Variants in RNF216 observed in about 807,000 individuals in gnomAD.
The protein encoded by RNF216 is E3 ubiquitin-protein ligase RNF216.
A neutral mutation model predicts 110.8 loss-of-function variants in RNF216; 72 were observed. The ratio of observed to expected loss-of-function variants is 0.65; its 90% CI spans 0.54 to 0.79. The LOEUF is 0.79. Among genes scored for constraint, RNF216 ranks in the 30% least tolerant of loss-of-function variants. The probability of loss-of-function intolerance (pLI) is 0.00; values close to 1 mark genes in which losing one functional copy is unlikely to be tolerated. For missense variants in RNF216, 1,342 were observed against 1,141.2 expected (o/e 1.18, Z -2.54); for synonymous variants, 495 against 407.5 (o/e 1.21, Z -2.59).
chr7:5,766,000 G>A (rs1486720614), intron 1 of RNF216, among the ~76,000 whole-genome samples: 1 of 150,988 alleles, frequency 6.6e-6, no homozygotes, highest in Non-Finnish European at 1.5e-5. Context: ...AATCCAGGCT[G>A]GGCACAATGG....
At chr7:5,749,327 T>C (rs1795214676) in intron 3 of RNF216, among the ~76,000 whole-genome samples, 1 of 152,074 alleles carries the variant, frequency 6.6e-6, no homozygotes, top group South Asian at 2.1e-4. Flanking sequence ...ATTTTTGTAT[T>C]TTTAGTAGAG....
rs191341150 is a variant in RNF216, at chr7:5,628,450, C to T, written c.2383-4325G>A. Reference sequence around the variant, plus strand: ...ACTGTGCTTAATAACTTTAATACAACTTAAAAGTTTTTTTTCTTTTTTAAA... The same window carrying T: ...ACTGTGCTTAATAACTTTAATACAATTTAAAAGTTTTTTTTCTTTTTTAAA... On this transcript the variant is annotated intron_variant, in intron 15 of 16. Coordinates refer to ENST00000389902, the MANE Select transcript of RNF216 (RefSeq NM_207111.4). 8.5e-5 allele frequency among the ~76,000 whole-genome samples: 13 copies of T among 152,294 alleles called. 1 individual carries two copies. Among genetic ancestry groups the T allele is most frequent in the Admixed American group, 3.9e-4 (6 of 15,304 alleles).
At chr7:5,679,048 A>C (rs1790488038) in intron 13 of RNF216, among the ~76,000 whole-genome samples, 1 of 152,258 alleles carries the variant, frequency 6.6e-6, no homozygotes, top group Non-Finnish European at 1.5e-5. Flanking sequence ...TGTAAAATTT[A>C]AGAGTACAGA....
At chr7:5,704,406 G>C (rs906850921) in intron 13 of RNF216, among the ~76,000 whole-genome samples, 9 of 152,184 alleles carry the variant, frequency 5.9e-5, no homozygotes, top group Admixed American at 2.6e-4. Flanking sequence ...TCAAGGATTA[G>C]CGACTGCTTT....
intron 13 of RNF216, among the ~76,000 whole-genome samples, chr7:5,694,103 T>A (rs1791489182): frequency 6.6e-6 from 1 of 152,162 alleles, no homozygotes; most frequent in African/African-American, 2.4e-5. Flanking sequence ...ACCACTTAGC[T>A]CTTTGATAGA....
At chr7:5,766,170 G>C (rs2042110) in intron 1 of RNF216, among the ~76,000 whole-genome samples, 11,795 of 151,890 alleles carry the variant, frequency 0.078, 549 homozygotes, top group East Asian at 0.12. Flanking sequence ...TGTACCTATA[G>C]TTTTAGCTAC....
intron 11 of RNF216, among the ~76,000 whole-genome samples, chr7:5,713,980 C>T (rs768267749): frequency 3.9e-5 from 6 of 152,152 alleles, no homozygotes; most frequent in African/African-American, 1.4e-4. Flanking sequence ...CCAAAGGTCA[C>T]GCTCTTTGAA....
At chr7:5,648,050 C>T (rs1157496822) in intron 14 of RNF216, among the ~76,000 whole-genome samples, 1 of 151,978 alleles carries the variant, frequency 6.6e-6, no homozygotes, top group Non-Finnish European at 1.5e-5. Context: ...ACAGAGCCAC[C>T]TGTGAAATGT....
intron 15 of RNF216, among the ~76,000 whole-genome samples, chr7:5,633,679 G>C (rs1787218820): frequency 6.6e-6 from 1 of 152,188 alleles, no homozygotes; most frequent in Admixed American, 6.5e-5. Flanking sequence ...GAGCTCAGCA[G>C]GGCGCAGAAA....
At chr7:5,633,055 C>T (rs567447605) in intron 15 of RNF216, among the ~76,000 whole-genome samples, 1 of 152,044 alleles carries the variant, frequency 6.6e-6, no homozygotes, top group East Asian at 2.0e-4. Context: ...TCTCTGCTCA[C>T]TGCAACCTCC....
intron 13 of RNF216, among the ~76,000 whole-genome samples, chr7:5,668,368 C>T (rs1789666750): frequency 6.6e-6 from 1 of 151,958 alleles, no homozygotes; most frequent in Admixed American, 6.6e-5. Flanking sequence ...GGACTATAGG[C>T]ACCCACCACC....
At chr7:5,626,836 G>A (rs1786738830) in intron 15 of RNF216, among the ~76,000 whole-genome samples, 1 of 152,190 alleles carries the variant, frequency 6.6e-6, no homozygotes, top group Non-Finnish European at 1.5e-5. Context: ...ATGAGCTCAA[G>A]TATGTAAAGG....
chr7:5,740,104 C>CTT (rs71004698), intron 4 of RNF216, among the ~76,000 whole-genome samples: 4 of 118,502 alleles, frequency 3.4e-5, no homozygotes, highest in African/African-American at 1.0e-4. Context: ...GATGTAACAC[C>CTT]TTTTTTTTTT....
intron 13 of RNF216, among the ~76,000 whole-genome samples, chr7:5,681,844 A>C (rs1790672023): frequency 6.6e-6 from 1 of 152,236 alleles, no homozygotes; most frequent in Non-Finnish European, 1.5e-5. Context: ...GGAGGATAGG[A>C]GGTGAAAAGG....
chr7:5,628,685 CTTT>C (rs11314929), intron 15 of RNF216, among the ~76,000 whole-genome samples: 4 of 138,974 alleles, frequency 2.9e-5, no homozygotes, highest in Non-Finnish European at 3.1e-5. Flanking sequence ...CCATATCTGA[CTTT>C]TTTTTTTTTT....
At chr7:5,727,552 C>T (rs1241560563) in intron 7 of RNF216, among the ~76,000 whole-genome samples, 1 of 151,990 alleles carries the variant, frequency 6.6e-6, no homozygotes, top group African/African-American at 2.4e-5. Flanking sequence ...TCTAGCAAGA[C>T]CCCATTTCTA....
At chr7:5,716,851 C>G in intron 9 of RNF216, 85 bp from the exon 10 acceptor site, 2 of 1,056,104 alleles carry the variant, frequency 1.9e-6, no homozygotes, top group South Asian at 2.8e-5. Flanking sequence ...ATAAACATAA[C>G]TCCAGTATTG....
At chr7:5,752,637 A>G (rs1490121942) in intron 3 of RNF216, among the ~76,000 whole-genome samples, 13 of 152,236 alleles carry the variant, frequency 8.5e-5, no homozygotes, top group Non-Finnish European at 1.5e-4. Flanking sequence ...GTTAATAGTC[A>G]GATGGAACAA....
rs754444984 is a variant in RNF216 at position 5,675,714 on chromosome 7, C to CTTTT, written c.2062-23208_2062-23205dup. The stretch of plus-strand genomic sequence containing the variant: ...CTATAGCGCTAACTCTATTCAAATT[C>CTTTT]TTTTTTTTTTTTGAGGTGGAGTTTC... On this transcript the variant is annotated intron_variant, in intron 13 of 16. Transcript: ENST00000389902. 6.4e-5 allele frequency among the ~76,000 whole-genome samples: 9 copies of CTTTT among 141,268 alleles called. No homozygotes were observed. The South Asian group carries it at 1.3e-3, about 21-fold the overall frequency. 92.7% of individuals were successfully genotyped at this position (141,268 alleles called of 152,430 possible). A position where few individuals can be genotyped will look rare whatever the true frequency, so the allele number is the denominator to read the frequency against.
Sources: gnomAD v4.1 joint callset for allele counts (sites outside exome capture counted in the v4.1 genomes callset) on GRCh38, gnomAD v4.1.1 for gene constraint, MANE v1.5 for transcripts, NCBI Gene and HGNC (gene_info 2026-07-23, HGNC 2026-07-21) for gene names.